The following PLPP4 variants were observed in gnomAD, a reference collection of about 807,000 sequenced individuals.
PLPP4 encodes diacylglycerol pyrophosphate like 2.
PLPP4 carries 20 observed loss-of-function variants against 32.2 expected under a neutral mutation model. That is an observed-to-expected ratio of 0.62 (90% CI 0.44 to 0.90). The LOEUF (loss-of-function observed/expected upper bound fraction) is 0.90. Among genes scored for constraint, PLPP4 ranks in the 40% least tolerant of loss-of-function variants. PLPP4 has a pLI of 0.00. For synonymous variants in PLPP4, 127 were observed against 133.0 expected (o/e 0.95, Z 0.31); for missense variants, 257 against 353.1 (o/e 0.73, Z 2.18).
chr10:120,475,126 C>T (rs1243730235), intron 1 of PLPP4, among the ~76,000 whole-genome samples: 8 of 151,980 alleles, frequency 5.3e-5, no homozygotes, highest in Admixed American at 4.6e-4. Context: ...TGACAATTCC[C>T]GAGCAAGTGG....
In PLPP4 at chr10:120,583,061, T is replaced by C. The variant is rs556860471; in HGVS notation, c.617-6242T>C. 5.9e-5 allele frequency among the ~76,000 whole-genome samples: 9 copies of C among 152,084 alleles called. No individual in the cohort carries two copies. In the East Asian group the frequency reaches 1.4e-3, roughly 23 times the overall value. On this transcript the variant is annotated intron_variant, in intron 6 of 6. Coordinates refer to ENST00000398250, the MANE Select transcript of PLPP4 (RefSeq NM_001030059.3). ...ACAACAAAAAAATCACATGCACTTG[T>C]TGAGTTTGCCAGAGCTGACTTTTGC...
chr10:120,484,215 G>A (rs1589744284), intron 1 of PLPP4, among the ~76,000 whole-genome samples: 1 of 152,044 alleles, frequency 6.6e-6, no homozygotes, highest in Admixed American at 6.5e-5. Context: ...AACAATATTA[G>A]CAAAAGGGAG....
At chr10:120,487,863 G>A (rs1053334315) in intron 1 of PLPP4, among the ~76,000 whole-genome samples, 1 of 152,228 alleles carries the variant, frequency 6.6e-6, no homozygotes, top group Non-Finnish European at 1.5e-5. Context: ...TGAATGTCCT[G>A]GCTTCCAGAG....
At chr10:120,528,746 A>T (rs1846550175) in intron 5 of PLPP4, among the ~76,000 whole-genome samples, 1 of 151,650 alleles carries the variant, frequency 6.6e-6, no homozygotes, top group South Asian at 2.1e-4. Flanking sequence ...GCTGAATCAG[A>T]CCTCTTTGGA....
chr10:120,585,778 C>A lies in PLPP4; in HGVS notation c.617-3525C>A, dbSNP rs555417310. ...TACCTTACTGCAGCCCCAGGAGCCT[C>A]CAAATGGCCAACAGTTCTTCTCTTG... is the stretch of plus-strand genomic sequence containing the variant. On this transcript the variant is annotated intron_variant, in intron 6 of 6. Transcript: ENST00000398250. Among the ~76,000 whole-genome samples the A allele has an allele frequency of 5.3e-5, 8 of 152,242 alleles. No homozygotes were observed. In the East Asian group the frequency reaches 1.5e-3, roughly 29 times the overall value.
At chr10:120,544,736 G>A (rs904534236) in intron 5 of PLPP4, among the ~76,000 whole-genome samples, 2 of 152,214 alleles carry the variant, frequency 1.3e-5, no homozygotes, top group Non-Finnish European at 2.9e-5. Flanking sequence ...GAACAGCACA[G>A]GCTGAGTTGT....
At chr10:120,503,776 C>T in intron 1 of PLPP4, 42 bp from the exon 2 acceptor site, 1 of 1,595,148 alleles carries the variant, frequency 6.3e-7, no homozygotes, top group South Asian at 1.1e-5. Context: ...CCCACAGCAA[C>T]AGAACGCTCA....
intron 1 of PLPP4, among the ~76,000 whole-genome samples, chr10:120,460,644 T>C (rs1847999880): frequency 6.6e-6 from 1 of 152,166 alleles, no homozygotes; most frequent in South Asian, 2.1e-4. Flanking sequence ...ACTTCCCAAG[T>C]AACAGGGCTA....
At chr10:120,473,024 T>C (rs979245218) in intron 1 of PLPP4, among the ~76,000 whole-genome samples, 1 of 152,228 alleles carries the variant, frequency 6.6e-6, no homozygotes, top group Non-Finnish European at 1.5e-5. Context: ...TATCATCTTT[T>C]AACATATTCA....
chr10:120,502,890 C>G (rs759835637), intron 1 of PLPP4, among the ~76,000 whole-genome samples: 2 of 152,160 alleles, frequency 1.3e-5, no homozygotes, highest in Non-Finnish European at 2.9e-5. Flanking sequence ...TCTCCCGCTC[C>G]CCTGCGCTCC....
chr10:120,581,109 C>G (rs1180878787), intron 6 of PLPP4: 1 of 1,232,412 alleles, frequency 8.1e-7, no homozygotes, highest in Non-Finnish European at 1.0e-6. Flanking sequence ...TCAAGAGAGG[C>G]ATTCTCAGTC....
At chr10:120,552,748 C>T (rs1847969999) in intron 5 of PLPP4, among the ~76,000 whole-genome samples, 1 of 152,204 alleles carries the variant, frequency 6.6e-6, no homozygotes, top group South Asian at 2.1e-4. Flanking sequence ...CACAAACTAA[C>T]TTTCACCACT....
chr10:120,543,498 T>TA (rs1195359609), intron 5 of PLPP4, among the ~76,000 whole-genome samples: 69 of 149,300 alleles, frequency 4.6e-4, no homozygotes, highest in Non-Finnish European at 6.1e-4. Flanking sequence ...TCAATGCAAT[T>TA]AAAAAAAAAA....
At chr10:120,580,881 TCA>T in intron 6 of PLPP4, 1 of 1,289,172 alleles carries the variant, frequency 7.8e-7, no homozygotes, top group Non-Finnish European at 1.0e-6. Flanking sequence ...TGATGTCACC[TCA>T]TTTTCCCTCC....
At position 120,588,979 on chromosome 10, in the gene PLPP4, G is replaced by A. The variant is rs150318909; in HGVS notation, c.617-324G>A. 4.6e-3 allele frequency among the ~76,000 whole-genome samples: 699 copies of A among 152,352 alleles called. 12 individuals carry two copies. Among genetic ancestry groups the A allele is most frequent in the African/African-American group, 0.016 (661 of 41,580 alleles). On this transcript the variant is annotated intron_variant, in intron 6 of 6. Transcript: ENST00000398250. ...GAGAATCACTTGAACCAGGGAGGCA[G>A]AGGCTGCAGTGAGGCGAGATTGCAG... is the stretch of plus-strand genomic sequence containing the variant.
At position 120,578,442 on chromosome 10, in the gene PLPP4, C is replaced by G. The variant is rs368992371; in HGVS notation, c.616+3141C>G. 3.7e-4 allele frequency among the ~76,000 whole-genome samples: 56 copies of G among 152,292 alleles called. 1 individual carries two copies. The South Asian group carries it at 4.8e-3, about 13-fold the overall frequency. On this transcript the variant is annotated intron_variant, in intron 6 of 6. Transcript: ENST00000398250. Reference sequence around the variant, plus strand: ...TTAGCATCAGCAAAACTCAAGTCCCCCTCATTATAGACTTTAGTTAACAGC... The same window carrying G: ...TTAGCATCAGCAAAACTCAAGTCCCGCTCATTATAGACTTTAGTTAACAGC...
intron 1 of PLPP4, among the ~76,000 whole-genome samples, chr10:120,463,235 C>T (rs970289594): frequency 6.6e-6 from 1 of 152,044 alleles, no homozygotes; most frequent in Non-Finnish European, 1.5e-5. Context: ...ACCATGTTAG[C>T]CAGGATGGTC....
At position 120,589,555 on chromosome 10, in the gene PLPP4, C is replaced by T. The variant is rs1849926510; in HGVS notation, c.*53C>T. On this transcript the variant is annotated 3_prime_UTR_variant, in exon 7 of 7. Transcript: ENST00000398250. ...GCCCTGGGCACATCTGCCACCCTGA[C>T]ATCATAACACAATAGAAATGGTTTT... 3 of 1,349,260 alleles carry T rather than the reference C, an allele frequency of 2.2e-6. No individual in the cohort carries two copies. The highest frequency in any genetic ancestry group is 1.4e-5 in the African/African-American group (1 of 69,590). The allele number at this position is 1,349,260 out of a possible 1,614,324, so 83.6% of individuals were successfully genotyped here.
rs188142634 is a variant in PLPP4 at position 120,539,686 on chromosome 10, G to A, written c.445+18591G>A. 1.0e-3 allele frequency among the ~76,000 whole-genome samples: 159 copies of A among 152,152 alleles called. 1 individual carries two copies. The highest frequency in any genetic ancestry group is 3.1e-3 in the African/African-American group (128 of 41,506). On this transcript the variant is annotated intron_variant, in intron 5 of 6. Coordinates refer to ENST00000398250, the MANE Select transcript of PLPP4 (RefSeq NM_001030059.3). ...CATTTTCAGAAGGTAAAAGTTATTT[G>A]AGAGCCTCTTTCTGCTTATTTCTAC...
Sources: allele counts gnomAD v4.1 joint callset (sites outside exome capture counted in the v4.1 genomes callset), GRCh38; gene constraint gnomAD v4.1.1; transcripts MANE v1.5; gene names NCBI Gene and HGNC (gene_info 2026-07-23, HGNC 2026-07-21).